Variants in MYO1D observed in about 807,000 individuals in gnomAD.
The protein encoded by MYO1D is myosin ID.
In MYO1D, 83 loss-of-function variants were observed where a neutral mutation model predicts 122.0. That is an observed-to-expected ratio of 0.68 (90% confidence interval 0.57 to 0.82). MYO1D has a LOEUF of 0.82. Among genes scored for constraint, MYO1D ranks in the 40% least tolerant of loss-of-function variants. The pLI, the probability that MYO1D is intolerant of heterozygous loss-of-function variation, is 0.00. For synonymous variants in MYO1D, 464 were observed against 446.9 expected, an observed-to-expected ratio of 1.04 and a Z score of -0.48; for missense variants, 1,157 against 1,269.5, an observed-to-expected ratio of 0.91 and a Z score of 1.35.
chr17:32,501,730 GC>G (rs1909326273), intron 21 of MYO1D, among the ~76,000 whole-genome samples: 1 of 152,208 alleles, frequency 6.6e-6, no homozygotes, highest in Admixed American at 6.5e-5. Flanking sequence ...TCCACACCTT[GC>G]CCTGTCTGTC....
intron 10 of MYO1D, among the ~76,000 whole-genome samples, chr17:32,757,541 T>C (rs371246483): frequency 1.6e-4 from 24 of 152,136 alleles, no homozygotes; most frequent in East Asian, 7.7e-4. Flanking sequence ...ACATTTCTAA[T>C]TAGGGAGAAA....
chr17:32,499,995 T>G (rs1597858511), intron 21 of MYO1D, among the ~76,000 whole-genome samples: 1 of 152,202 alleles, frequency 6.6e-6, no homozygotes. Context: ...AAATAAAAAA[T>G]AAACAACCCT....
At chr17:32,673,525 A>C (rs1259303687) in intron 16 of MYO1D, among the ~76,000 whole-genome samples, 2 of 152,230 alleles carry the variant, frequency 1.3e-5, no homozygotes, top group African/African-American at 4.8e-5. Flanking sequence ...AGCTGAGCTA[A>C]GTCAACTTTG....
chr17:32,642,524 T>A, intron 19 of MYO1D, among the ~76,000 whole-genome samples: 1 of 152,208 alleles, frequency 6.6e-6, no homozygotes, highest in Admixed American at 6.5e-5. Flanking sequence ...CCTTGGGCAG[T>A]ATGGCCATTT....
chr17:32,538,865 A>G (rs1451773696), intron 21 of MYO1D, among the ~76,000 whole-genome samples: 10 of 152,238 alleles, frequency 6.6e-5, no homozygotes, highest in Non-Finnish European at 1.3e-4. Context: ...CAAACACCGC[A>G]TGTTCTTGCT....
chr17:32,534,354 A>C (rs958028795), intron 21 of MYO1D, among the ~76,000 whole-genome samples: 5 of 152,010 alleles, frequency 3.3e-5, no homozygotes, highest in Admixed American at 1.3e-4. Flanking sequence ...TTTTATTTTT[A>C]TAGAGATAAG....
intron 1 of MYO1D, among the ~76,000 whole-genome samples, chr17:32,855,950 T>G (rs1403239195): frequency 6.6e-6 from 1 of 152,212 alleles, no homozygotes; most frequent in Non-Finnish European, 1.5e-5. Flanking sequence ...TATTCCCTTG[T>G]TCTTCTTTTA....
At chr17:32,676,656 G>C (rs1040328622) in intron 16 of MYO1D, among the ~76,000 whole-genome samples, 1 of 151,964 alleles carries the variant, frequency 6.6e-6, no homozygotes, top group African/African-American at 2.4e-5. Flanking sequence ...AACCACAAGG[G>C]GGAGCCAGAC....
chr17:32,529,238 C>T (rs1597878581), intron 21 of MYO1D, among the ~76,000 whole-genome samples: 1 of 152,154 alleles, frequency 6.6e-6, no homozygotes, highest in African/African-American at 2.4e-5. Context: ...GTGAATTGAG[C>T]AGGAGGATCA....
At chr17:32,848,062 G>A (rs916389293) in intron 1 of MYO1D, among the ~76,000 whole-genome samples, 3 of 152,228 alleles carry the variant, frequency 2.0e-5, no homozygotes, top group African/African-American at 7.2e-5. Context: ...GAATACACAT[G>A]AATGAAAGTG....
intron 1 of MYO1D, among the ~76,000 whole-genome samples, chr17:32,785,593 A>G (rs1173985252): frequency 6.6e-6 from 1 of 152,112 alleles, no homozygotes; most frequent in Non-Finnish European, 1.5e-5. Context: ...ACTTCAATAA[A>G]CCTTGACCAA....
chr17:32,677,552 A>T (rs2088831637), intron 16 of MYO1D, among the ~76,000 whole-genome samples: 1 of 149,346 alleles, frequency 6.7e-6, no homozygotes, highest in South Asian at 2.1e-4. Context: ...AGTCACTGGG[A>T]AGTCATCAGG....
intron 1 of MYO1D, among the ~76,000 whole-genome samples, chr17:32,861,983 A>G (rs1282764165): frequency 6.6e-6 from 1 of 152,190 alleles, no homozygotes; most frequent in Non-Finnish European, 1.5e-5. Flanking sequence ...GTGCCACTGC[A>G]CTCCAGCCTG....
At chr17:32,694,244 G>A (rs1376402358) in intron 16 of MYO1D, among the ~76,000 whole-genome samples, 1 of 151,858 alleles carries the variant, frequency 6.6e-6, no homozygotes, top group Admixed American at 6.6e-5. Context: ...TTATTTCCTC[G>A]CCGGAGGAGT....
At chr17:32,763,391 T>G (rs1191616889) in intron 8 of MYO1D, among the ~76,000 whole-genome samples, 2 of 152,040 alleles carry the variant, frequency 1.3e-5, no homozygotes, top group African/African-American at 2.4e-5. Flanking sequence ...ATACAACGCT[T>G]GCCACACAGA....
chr17:32,540,797 G>A (rs1245355016), intron 21 of MYO1D, among the ~76,000 whole-genome samples: 1 of 151,464 alleles, frequency 6.6e-6, no homozygotes, highest in Non-Finnish European at 1.5e-5. Context: ...ATGGTGGTGT[G>A]GGCCTGTAAT....
At chr17:32,755,198 T>A (rs1282686855) in intron 11 of MYO1D, among the ~76,000 whole-genome samples, 2 of 152,216 alleles carry the variant, frequency 1.3e-5, no homozygotes, top group East Asian at 3.8e-4. Context: ...CATCTATTGG[T>A]TACAAATGAC....
At chr17:32,753,761 G>C (rs111532271) in intron 11 of MYO1D, among the ~76,000 whole-genome samples, 21,746 of 152,152 alleles carry the variant, frequency 0.14, 1,999 homozygotes, top group Middle Eastern at 0.28. Context: ...AGCTGGGCAT[G>C]ATGGCAGGTG....
intron 21 of MYO1D, among the ~76,000 whole-genome samples, chr17:32,578,137 A>T (rs1313089731): frequency 6.6e-6 from 1 of 152,258 alleles, no homozygotes; most frequent in Admixed American, 6.5e-5. Context: ...ATAAGAGAAT[A>T]GCAGAATACA....
Sources: allele counts gnomAD v4.1 joint callset (sites outside exome capture counted in the v4.1 genomes callset), GRCh38; gene constraint gnomAD v4.1.1; transcripts MANE v1.5; gene names NCBI Gene and HGNC (gene_info 2026-07-23, HGNC 2026-07-21).